STOML1: variants seen among roughly 807,000 people sequenced by gnomAD.
STOML1 encodes the protein stomatin like 1.
Under a neutral mutation model 35.7 loss-of-function variants are expected in STOML1, and 27 were observed. That is an observed-to-expected ratio of 0.76 (90% CI 0.56 to 1.04). The LOEUF (loss-of-function observed/expected upper bound fraction) is 1.04. Ranked by LOEUF, STOML1 falls within the 50% of genes least tolerant of loss-of-function variation. The pLI, the probability that STOML1 is intolerant of heterozygous loss-of-function variation, is 0.00. For missense variants in STOML1, 451 were observed against 527.1 expected (o/e 0.86, Z 1.41); for synonymous variants, 219 against 227.9 (o/e 0.96, Z 0.35).
intron 4 of STOML1, 41 bp from the exon 5 acceptor site, chr15:73,985,554 AC>A (rs2069070570): frequency 6.6e-7 from 1 of 1,525,142 alleles, no homozygotes; most frequent in Non-Finnish European, 8.8e-7. Context: ...AATTCAACAA[AC>A]CTTTCCTGAG....
upstream of STOML1, chr15:73,992,347 G>A (rs2069311392): frequency 8.2e-7 from 1 of 1,212,302 alleles, no homozygotes. Context: ...CCGCGGCGGC[G>A]CGGGCGCAGG....
upstream of STOML1, chr15:73,994,608 T>A: frequency 1.6e-6 from 1 of 621,908 alleles, no homozygotes; most frequent in East Asian, 2.8e-5. Flanking sequence ...GCTCTGGGCG[T>A]GTCTTTAAAA....
chr15:73,994,048 T>C (rs1416285719), upstream of STOML1, among the ~76,000 whole-genome samples: 1 of 152,104 alleles, frequency 6.6e-6, no homozygotes, highest in Non-Finnish European at 1.5e-5. Flanking sequence ...GTTGTCAGAG[T>C]GACTGTCCCA....
chr15:73,991,047 T>C, intron 1 of STOML1: 3 of 1,346,282 alleles, frequency 2.2e-6, no homozygotes, highest in Non-Finnish European at 2.9e-6. Context: ...TTAATGACCA[T>C]TAAAAAATGC....
rs1024820299 is a variant in STOML1 at position 73,981,957 on chromosome 15, T to C, written c.*1980A>G. The C allele has an allele frequency of 2.0e-5, 3 of 152,400 alleles. No individual in the cohort carries two copies. The highest frequency in any genetic ancestry group is 7.2e-5 in the African/African-American group (3 of 41,562). 9.4% of individuals were successfully genotyped at this position (152,400 alleles called of 1,614,324 possible). On this transcript the variant is annotated 3_prime_UTR_variant, in exon 7 of 7. Transcript: ENST00000541638. ...AAGTTTCGGTTTCCCCTAAACGTTA[T>C]GTTGATCTTCCCATGCTCACAAAGA... is the stretch of plus-strand genomic sequence containing the variant.
intron 1 of STOML1, chr15:73,990,764 G>A: frequency 6.6e-7 from 1 of 1,511,486 alleles, no homozygotes; most frequent in Non-Finnish European, 8.9e-7. Context: ...TCTCCTCACT[G>A]GACTGAGTAG....
rs754598611 is a variant in STOML1 at position 73,992,213 on chromosome 15, C to T, written c.11G>A (p.Arg4Lys). 3 of 1,602,688 alleles carry T rather than the reference C, an allele frequency of 1.9e-6. No individual in the cohort carries two copies. Among genetic ancestry groups the T allele is most frequent in the South Asian group, 1.1e-5 (1 of 90,608 alleles). ...CAGGGGCAGCGCCCGGTACCCAGACCTGCCGAGCATGGCTTTTGACAGGAG... is the reference window on the plus strand; with the variant it reads ...CAGGGGCAGCGCCCGGTACCCAGACTTGCCGAGCATGGCTTTTGACAGGAG... MLG[R>K]SGYRALPLGD... The change falls in exon 1 of 7, where the codon AGG becomes AAG. Residue 4 changes from arginine (R) to lysine (K), a missense_variant. By Grantham distance (26) the Arg-to-Lys change is conservative (BLOSUM62 2). Transcript: ENST00000541638.
In STOML1 at chr15:73,982,474, G is replaced by C. The variant is rs781667929; in HGVS notation, c.*1463C>G. The stretch of plus-strand genomic sequence containing the variant: ...GGCCATGGCAGTGACAGAGGGGTCT[G>C]TGCTGGGCTTTAGGGAGGTGCCTCA... On this transcript the variant is annotated 3_prime_UTR_variant, in exon 7 of 7. Transcript: ENST00000541638. The C allele has an allele frequency of 6.5e-6, 1 of 153,002 alleles. No individual in the cohort carries two copies. Among genetic ancestry groups the C allele is most frequent in the Non-Finnish European group, 1.5e-5 (1 of 68,692 alleles). 9.5% of individuals were successfully genotyped at this position (153,002 alleles called of 1,614,324 possible).
intron 1 of STOML1, 26 bp downstream of exon 1, chr15:73,992,065 C>G (rs2304715): frequency 0.55 from 850,358 of 1,546,756 alleles, 235,339 homozygotes; most frequent in Non-Finnish European, 0.56. Context: ...TCCCCCCCGG[C>G]TCCGCCGTGC....
chr15:73,991,772 T>C (rs2069284509), intron 1 of STOML1: 1 of 556,176 alleles, frequency 1.8e-6, no homozygotes, highest in Non-Finnish European at 3.4e-6. Flanking sequence ...GTTTCTTCTA[T>C]GCGAAATAGA....
intron 1 of STOML1, 27 bp from the exon 2 acceptor site, chr15:73,990,484 C>T (rs755482370): frequency 6.4e-7 from 1 of 1,564,038 alleles, no homozygotes; most frequent in South Asian, 1.1e-5. Context: ...AGGTGGTCAA[C>T]TGGACCTGCA....
At position 73,988,917 on chromosome 15, in the gene STOML1, CA is replaced by C; in HGVS notation, c.391-116del. ...TGCTTGGCAGCTAGCTCCTCAAGGG[CA>C]AATGGTGTCACCAAGTATGTAGGGT... On this transcript the variant is annotated intron_variant, in intron 3 of 6. Coordinates refer to ENST00000541638, the MANE Select transcript of STOML1 (RefSeq NM_004809.5). The surrounding 1 kb of genome is among the most constrained non-coding windows in gnomAD (Gnocchi z 4.8). 2 of 1,465,762 alleles carry C rather than the reference CA, an allele frequency of 1.4e-6. No homozygotes were observed. The highest frequency in any genetic ancestry group is 1.8e-6 in the Non-Finnish European group (2 of 1,083,562). 90.8% of individuals were successfully genotyped at this position (1,465,762 alleles called of 1,614,324 possible).
chr15:73,984,145 A>G lies in STOML1; in HGVS notation c.1004-15T>C, dbSNP rs1349050184. 5 of 1,603,410 alleles carry G rather than the reference A, an allele frequency of 3.1e-6. No homozygotes were observed. Among genetic ancestry groups the G allele is most frequent in the Non-Finnish European group, 4.3e-6 (5 of 1,172,156 alleles). ...TCTTCCTCGTCCTGTGGGGCAAAAG[A>G]AAACCGAGTGTCAGTAGGGGAATGG... On this transcript the variant is annotated splice_polypyrimidine_tract_variant and intron_variant, in intron 6 of 6. Transcript: ENST00000541638.
At position 73,985,502 on chromosome 15, in the gene STOML1, G is replaced by A. The variant is rs777693791; in HGVS notation, c.606C>T (p.Asn202=). 7.8e-6 allele frequency: 12 copies of A among 1,540,678 alleles called. No individual in the cohort carries two copies. The highest frequency in any genetic ancestry group is 1.4e-5 in the African/African-American group (1 of 71,910). ...KISDQLLLEI[N]DVTRAWGLEV... ...CCAGCCCCCAGGCCCTGGTCACATC[G>A]TTGATCTCCAGCTGGAGGACAGTGT... Residue 202 remains asparagine (N), a synonymous_variant, in exon 5 of 7, where the codon AAC becomes AAT. Transcript: ENST00000541638.
upstream of STOML1, among the ~76,000 whole-genome samples, chr15:73,993,108 G>A (rs1397374761): frequency 6.6e-6 from 1 of 152,194 alleles, no homozygotes; most frequent in Non-Finnish European, 1.5e-5. Context: ...AGACTTCGGG[G>A]AGCATGGGAG....
chr15:73,990,601 A>G (rs1595866088), intron 1 of STOML1, 144 bp from the exon 2 acceptor site: 5 of 909,890 alleles, frequency 5.5e-6, no homozygotes, highest in Middle Eastern at 6.9e-4. Flanking sequence ...CTTGCCTAAT[A>G]TTCCCGTATC....
chr15:73,988,712 C>T lies in STOML1; in HGVS notation c.481G>A (p.Asp161Asn). The T allele has an allele frequency of 1.2e-6, 2 of 1,614,190 alleles. No homozygotes were observed. Among genetic ancestry groups the T allele is most frequent in the South Asian group, 1.1e-5 (1 of 91,078 alleles). Reference sequence around the variant, plus strand: ...GTCATGCGTGTGGCTGTGTTCAGGTCTTTCACAGTCATCACCGACAGCACC... The same window carrying T: ...GTCATGCGTGTGGCTGTGTTCAGGTTTTTCACAGTCATCACCGACAGCACC... Reference protein sequence around the residue: ...DPVLSVMTVKDLNTATRMTAQ... With the variant: ...DPVLSVMTVKNLNTATRMTAQ... The change falls in exon 4 of 7, where the codon GAC (aspartate) becomes AAC (asparagine). Residue 161 changes from aspartate to asparagine, a missense_variant. By Grantham distance (23) the Asp-to-Asn change is conservative (BLOSUM62 1). Transcript: ENST00000541638. This position sits in a 1 kb window ranked among gnomAD's most constrained non-coding sequence, Gnocchi z 4.8.
At chr15:73,987,380 G>A (rs938273856) in intron 4 of STOML1, 1 of 152,266 alleles carries the variant, frequency 6.6e-6, no homozygotes, top group Non-Finnish European at 1.5e-5. Context: ...ACTCTACCAG[G>A]TGCTCACTCA....
chr15:73,992,056 C>T, intron 1 of STOML1, 35 bp downstream of exon 1: 1 of 1,521,980 alleles, frequency 6.6e-7, no homozygotes, highest in South Asian at 1.2e-5. Flanking sequence ...GCCGGCCGGT[C>T]CCCCCCGGCT....
Sources: allele counts gnomAD v4.1 joint callset (sites outside exome capture counted in the v4.1 genomes callset), GRCh38; gene constraint gnomAD v4.1.1; non-coding constraint Gnocchi (gnomAD v3.1); transcripts MANE v1.5; gene names NCBI Gene and HGNC (gene_info 2026-07-23, HGNC 2026-07-21).